The following GHR variants were observed in gnomAD, a reference collection of about 807,000 sequenced individuals.
GHR encodes the protein GH receptor.
GHR carries 35 observed loss-of-function variants against 67.1 expected under a neutral mutation model. That is an observed-to-expected ratio of 0.52 (90% confidence interval 0.40 to 0.69). The LOEUF (loss-of-function observed/expected upper bound fraction) is 0.69. Ranked by LOEUF, GHR falls within the 30% of genes least tolerant of loss-of-function variation. The pLI is 0.00. For synonymous variants in GHR, 272 were observed against 269.1 expected, an observed-to-expected ratio of 1.01 and a Z score of -0.10; for missense variants, 792 against 764.6, an observed-to-expected ratio of 1.04 and a Z score of -0.42.
chr5:42,482,757 C>G (rs1055637128), intron 1 of GHR, among the ~76,000 whole-genome samples: 2 of 152,188 alleles, frequency 1.3e-5, no homozygotes, highest in African/African-American at 4.8e-5. Context: ...TGGGAGTGAC[C>G]TGATTTTCCA....
At position 42,719,061 on chromosome 5, in the gene GHR, G is replaced by C. The variant is rs144046221; in HGVS notation, c.1554G>C (p.Pro518=). The change falls in exon 10 of 10, where the codon CCG becomes CCC. Residue 518 remains proline, a synonymous_variant. Transcript: ENST00000230882. ...GGATGTCCCAATGTGACATGCACCC[G>C]GAAATGGTCTCACTCTGCCAAGAAA... ...KAGMSQCDMH[P]EMVSLCQENF... is the part of the protein sequence containing the mutation. 3 of 1,610,876 alleles carry C rather than the reference G, an allele frequency of 1.9e-6. No individual in the cohort carries two copies. Among genetic ancestry groups the C allele is most frequent in the Non-Finnish European group, 2.5e-6 (3 of 1,177,600 alleles).
chr5:42,491,157 G>A lies in GHR; in HGVS notation c.-12+67202G>A, dbSNP rs758183268. 7.7e-4 allele frequency among the ~76,000 whole-genome samples: 118 copies of A among 152,324 alleles called. 1 individual carries two copies. Among genetic ancestry groups the A allele is most frequent in the Admixed American group, 3.3e-3 (50 of 15,304 alleles). Reference sequence around the variant, plus strand: ...TATGTAGTGAACACTGGATTATCATGCCTGAGGATCGTTTGCTTTGTGTAT... The same window carrying A: ...TATGTAGTGAACACTGGATTATCATACCTGAGGATCGTTTGCTTTGTGTAT... On this transcript the variant is annotated intron_variant, in intron 1 of 9. Transcript: ENST00000230882.
chr5:42,563,624 C>CAAAAAAAAAAA (rs1168788232), intron 1 of GHR, among the ~76,000 whole-genome samples: 9 of 45,094 alleles, frequency 2.0e-4, no homozygotes, highest in African/African-American at 5.1e-4. Flanking sequence ...GACTCCGTCT[C>CAAAAAAAAAAA]AAAAAAAAAA....
chr5:42,435,198 G>A (rs1229327946), intron 1 of GHR, among the ~76,000 whole-genome samples: 1 of 152,078 alleles, frequency 6.6e-6, no homozygotes, highest in East Asian at 1.9e-4. Context: ...TAGGGCTTCA[G>A]TGAGTCCCTG....
chr5:42,719,230 G>C lies in GHR; in HGVS notation c.1723G>C (p.Ala575Pro), dbSNP rs1225651977. 6.2e-7 allele frequency: 1 copy of C among 1,614,026 alleles called. No homozygotes were observed. Among genetic ancestry groups the C allele is most frequent in the Non-Finnish European group, 8.5e-7 (1 of 1,179,944 alleles). ...IYITTESLTTAAGRPGTGEHV... is the reference protein window; with the variant it reads ...IYITTESLTTPAGRPGTGEHV... Reference sequence around the variant, plus strand: ...CATCACCACAGAAAGCCTTACCACTGCTGCTGGGAGGCCTGGGACAGGAGA... The same window carrying C: ...CATCACCACAGAAAGCCTTACCACTCCTGCTGGGAGGCCTGGGACAGGAGA... The change falls in exon 10 of 10, where the codon GCT (alanine) becomes CCT (proline). Residue 575 changes from alanine to proline, a missense_variant. Transcript: ENST00000230882.
intron 1 of GHR, among the ~76,000 whole-genome samples, chr5:42,563,844 T>A (rs961766077): frequency 1.3e-5 from 2 of 152,032 alleles, no homozygotes; most frequent in African/African-American, 4.8e-5. Context: ...AAATATTTAG[T>A]TACCAACAGG....
chr5:42,716,521 C>A (rs1758731112), intron 8 of GHR, among the ~76,000 whole-genome samples: 1 of 152,164 alleles, frequency 6.6e-6, no homozygotes, highest in Non-Finnish European at 1.5e-5. Context: ...CTTGTGTTCT[C>A]ATAAAATTTT....
intron 1 of GHR, among the ~76,000 whole-genome samples, chr5:42,559,831 G>C (rs186902951): frequency 6.6e-6 from 1 of 152,068 alleles, no homozygotes; most frequent in African/African-American, 2.4e-5. Flanking sequence ...ATAAAAAGTT[G>C]GTAACAACAT....
intron 1 of GHR, chr5:42,514,446 G>T (rs1302782755): frequency 3.1e-6 from 1 of 322,558 alleles, no homozygotes; most frequent in Non-Finnish European, 4.5e-6. Context: ...AGCTATCTAT[G>T]ACCATATGCA....
chr5:42,559,130 T>G (rs993804878), intron 1 of GHR, among the ~76,000 whole-genome samples: 2 of 152,234 alleles, frequency 1.3e-5, no homozygotes, highest in Non-Finnish European at 2.9e-5. Context: ...TAAATTTAAA[T>G]TGTCATTGAA....
chr5:42,689,099 A>C (rs1224386471), intron 4 of GHR, 80 bp downstream of exon 4: 2 of 1,194,310 alleles, frequency 1.7e-6, no homozygotes, highest in African/African-American at 3.0e-5. Context: ...TACTGTGGGA[A>C]TGGAAGTGAT....
At chr5:42,585,394 C>A (rs1246533989) in intron 2 of GHR, among the ~76,000 whole-genome samples, 1 of 152,080 alleles carries the variant, frequency 6.6e-6, no homozygotes, top group Non-Finnish European at 1.5e-5. Context: ...ATAATGACAT[C>A]TTATTTTATG....
At chr5:42,430,049 A>G (rs1367529585) in intron 1 of GHR, among the ~76,000 whole-genome samples, 1 of 152,218 alleles carries the variant, frequency 6.6e-6, no homozygotes, top group African/African-American at 2.4e-5. Flanking sequence ...CAGGAGGTAA[A>G]TGGCTTGCCA....
chr5:42,611,162 C>T (rs1752870430), intron 2 of GHR, among the ~76,000 whole-genome samples: 1 of 151,988 alleles, frequency 6.6e-6, no homozygotes, highest in African/African-American at 2.4e-5. Flanking sequence ...TTCTCCTTGC[C>T]CTTAGATATG....
rs1388115707 is a variant in GHR at position 42,549,118 on chromosome 5, CCTT to C, written c.-11-16743_-11-16741del. The stretch of plus-strand genomic sequence containing the variant: ...AGGAAAGAGAAATAGGGCTTTGTCT[CCTT>C]CTGCTTCTTGCTATACCTCTTTTCA... On this transcript the variant is annotated intron_variant, in intron 1 of 9. Transcript: ENST00000230882. 9.2e-5 allele frequency among the ~76,000 whole-genome samples: 14 copies of C among 152,308 alleles called. No individual in the cohort carries two copies. The East Asian group carries it at 9.6e-4, about 10-fold the overall frequency.
intron 3 of GHR, among the ~76,000 whole-genome samples, chr5:42,671,884 A>T (rs1580171207): frequency 7.0e-6 from 1 of 143,064 alleles, no homozygotes; most frequent in Non-Finnish European, 1.5e-5. Context: ...TGAACCCGGG[A>T]GGCGGAGCTT....
rs754224437 is a variant in GHR at position 42,718,651 on chromosome 5, G to T, written c.1144G>T (p.Gly382Cys). Residue 382 changes from glycine (G) to cysteine (C), a missense_variant, in exon 10 of 10, where the codon GGC (glycine) becomes TGC (cysteine). Physicochemically the swap from Gly to Cys is radical, Grantham distance 159. Coordinates refer to ENST00000230882, the MANE Select transcript of GHR (RefSeq NM_000163.5). ...KSHSNLGVKD[G>C]DSGRTSCCEP... ...ACATAGTAACCTAGGGGTGAAGGAT[G>T]GCGACTCTGGACGTACCAGCTGTTG... 11 of 1,614,154 alleles carry T rather than the reference G, an allele frequency of 6.8e-6. No homozygotes were observed. Among genetic ancestry groups the T allele is most frequent in the South Asian group, 4.4e-5 (4 of 91,080 alleles).
chr5:42,697,601 A>G (rs1008025646), intron 5 of GHR, among the ~76,000 whole-genome samples: 1 of 152,296 alleles, frequency 6.6e-6, no homozygotes, highest in East Asian at 1.9e-4. Flanking sequence ...TCCTCACTCA[A>G]TGAACAGCAG....
At chr5:42,454,779 T>C (rs77201117) in intron 1 of GHR, among the ~76,000 whole-genome samples, 3,357 of 152,160 alleles carry the variant, frequency 0.022, 123 homozygotes, top group African/African-American at 0.077. Context: ...CTCCAGGCCA[T>C]ACACTTCCCC....
Sources: allele counts gnomAD v4.1 joint callset (sites outside exome capture counted in the v4.1 genomes callset), GRCh38; gene constraint gnomAD v4.1.1; transcripts MANE v1.5; gene names NCBI Gene and HGNC (gene_info 2026-07-23, HGNC 2026-07-21).